The following CROCC variants were observed in gnomAD, a reference collection of about 807,000 sequenced individuals.
The protein encoded by CROCC is rootletin.
CROCC carries 180 observed loss-of-function variants against 245.2 expected under a neutral mutation model. That is an observed-to-expected ratio of 0.73 (90% CI 0.65 to 0.83). CROCC has a LOEUF of 0.83. Ranked by LOEUF, CROCC falls within the 40% of genes least tolerant of loss-of-function variation. CROCC has a pLI of 0.00. For synonymous variants in CROCC, 1,205 were observed against 1,241.6 expected, an observed-to-expected ratio of 0.97 and a Z score of 0.62; for missense variants, 2,688 against 2,779.4, an observed-to-expected ratio of 0.97 and a Z score of 0.74.
At chr1:16,920,149 C>G (rs6662820), upstream of CROCC, among the ~76,000 whole-genome samples, 131,170 of 151,880 alleles carry the variant, frequency 0.86, 56,085 homozygotes, top group East Asian at 0.89. Context: ...CATGATCTCG[C>G]CTCACTGCAA....
At position 16,965,842 on chromosome 1, in the gene CROCC, G is replaced by C; in HGVS notation, c.4525G>C (p.Gly1509Arg). 6.2e-7 allele frequency: 1 copy of C among 1,613,624 alleles called. No homozygotes were observed. Among genetic ancestry groups the C allele is most frequent in the Non-Finnish European group, 8.5e-7 (1 of 1,180,012 alleles). ...SPDLDPEAVRGALREFLQELR... is the reference protein window; with the variant it reads ...SPDLDPEAVRRALREFLQELR... ...AGACCTGGACCCGGAGGCAGTGCGC[G>C]GGGCCCTCCGGGAATTCCTGCAAGA... The change falls in exon 28 of 37, where the codon GGG becomes CGG. Residue 1509 changes from glycine (G) to arginine (R), a missense_variant. By Grantham distance (125) the Gly-to-Arg change is moderately radical. This residue lies in a region of CROCC where 1,218 missense variants were observed against 1,286.3 expected (regional missense o/e 0.95). Transcript: ENST00000375541.
At chr1:16,935,240 A>C (rs921837886) in intron 8 of CROCC, among the ~76,000 whole-genome samples, 9 of 152,332 alleles carry the variant, frequency 5.9e-5, no homozygotes, top group Non-Finnish European at 1.3e-4. Context: ...ATCTTACATA[A>C]TCAAATAAAG....
intron 26 of CROCC, among the ~76,000 whole-genome samples, chr1:16,960,308 C>G (rs1438838110): frequency 6.6e-6 from 1 of 152,126 alleles, no homozygotes; most frequent in Non-Finnish European, 1.5e-5. Context: ...ACAAAAAAAA[C>G]AGCCTTTGGA....
intron 1 of CROCC, among the ~76,000 whole-genome samples, chr1:16,914,961 A>G (rs975387305): frequency 6.6e-6 from 1 of 152,254 alleles, no homozygotes; most frequent in African/African-American, 2.4e-5. Flanking sequence ...GCAGGTGCTT[A>G]ATAAACAGAT....
Position 16,939,997 on chromosome 1 carries a change from A to G in CROCC, c.1712A>G (p.Gln571Arg). ...SERRALEEQL[Q>R]RLRDKTDGAM... The stretch of plus-strand genomic sequence containing the variant: ...CGGCGGGCCCTAGAGGAACAGCTGC[A>G]GCGCCTGCGGGACAAGACCGACGGC... Residue 571 changes from glutamine (Q) to arginine (R), a missense_variant, in exon 13 of 37, where the codon CAG (glutamine) becomes CGG (arginine). Around this residue, in one of 9 missense-constraint regions of CROCC, gnomAD observed 972 missense variants for 895.3 expected, o/e 1.09. Coordinates refer to ENST00000375541, the MANE Select transcript of CROCC (RefSeq NM_014675.5). 6.2e-7 allele frequency: 1 copy of G among 1,612,176 alleles called. No homozygotes were observed. The highest frequency in any genetic ancestry group is 8.5e-7 in the Non-Finnish European group (1 of 1,179,704).
intron 8 of CROCC, among the ~76,000 whole-genome samples, chr1:16,932,956 T>C (rs1353127725): frequency 6.6e-6 from 1 of 152,288 alleles, no homozygotes; most frequent in Non-Finnish European, 1.5e-5. Context: ...GGACTACAGG[T>C]GCATGCCACC....
rs2075482442 is a variant in CROCC at position 16,924,397 on chromosome 1, T to C, written c.269T>C (p.Leu90Pro). The C allele has an allele frequency of 1.9e-6, 3 of 1,613,280 alleles. No homozygotes were observed. Among genetic ancestry groups the C allele is most frequent in the African/African-American group, 1.3e-5 (1 of 75,080 alleles). ...QEENQLLQQE[L>P]SRVEDLLAQS... ...GAGAACCAGCTGCTGCAGCAGGAGCTGTCCCGCGTGGAGGACCTGCTGGCC... is the reference window on the plus strand; with the variant it reads ...GAGAACCAGCTGCTGCAGCAGGAGCCGTCCCGCGTGGAGGACCTGCTGGCC... Residue 90 changes from leucine (L) to proline (P), a missense_variant, in exon 3 of 37, where the codon CTG becomes CCG. By Grantham distance (98) the Leu-to-Pro change is moderately conservative. Coordinates refer to ENST00000375541, the MANE Select transcript of CROCC (RefSeq NM_014675.5).
chr1:16,935,465 G>A (rs35666559), intron 8 of CROCC, among the ~76,000 whole-genome samples: 2 of 152,140 alleles, frequency 1.3e-5, no homozygotes, highest in Non-Finnish European at 2.9e-5. Flanking sequence ...CTGTCGCCCA[G>A]GCTGGAGTGC....
chr1:16,970,014 A>G (rs1450417817), intron 33 of CROCC, 80 bp downstream of exon 33: 4 of 1,487,484 alleles, frequency 2.7e-6, no homozygotes, highest in South Asian at 2.7e-5. Context: ...ACCCATCTCA[A>G]CCTCATCCCA....
At chr1:16,931,054 C>T (rs1306490595) in intron 7 of CROCC, among the ~76,000 whole-genome samples, 2 of 152,288 alleles carry the variant, frequency 1.3e-5, no homozygotes, top group African/African-American at 2.4e-5. Flanking sequence ...TTTTGCCCTT[C>T]GTTGCTGCCT....
chr1:16,958,657 C>CGAGCGGGCAGAGAAGGA lies in CROCC; in HGVS notation c.3944_3960dup (p.Arg1321GlyfsTer18), dbSNP rs1557632192. The stretch of plus-strand genomic sequence containing the variant: ...AGCTGCAGGGCCGCCTGGCGCTGGG[C>CGAGCGGGCAGAGAAGGA]GAGCGGGCAGAGAAGGAGAGCAGGC... On this transcript the variant is annotated frameshift_variant, in exon 26 of 37. Coordinates refer to ENST00000375541, the MANE Select transcript of CROCC (RefSeq NM_014675.5). LOFTEE classifies it high-confidence loss of function. The CGAGCGGGCAGAGAAGGA allele has an allele frequency of 6.4e-6, 10 of 1,555,670 alleles. No individual in the cohort carries two copies. The highest frequency in any genetic ancestry group is 8.7e-6 in the Non-Finnish European group (10 of 1,150,252).
chr1:16,939,835 G>C, intron 12 of CROCC, 59 bp from the exon 13 acceptor site: 2 of 1,547,178 alleles, frequency 1.3e-6, no homozygotes, highest in South Asian at 1.1e-5. Context: ...CCAGAAGAGA[G>C]TAGGTGGCTC....
chr1:16,927,641 C>T (rs548014677), intron 3 of CROCC, among the ~76,000 whole-genome samples: 1 of 152,404 alleles, frequency 6.6e-6, no homozygotes, highest in East Asian at 1.9e-4. Flanking sequence ...CAGTGTCCTG[C>T]GTGGAGACAA....
upstream of CROCC, among the ~76,000 whole-genome samples, chr1:16,920,556 T>TA (rs2075382485): frequency 6.6e-6 from 1 of 152,272 alleles, no homozygotes; most frequent in African/African-American, 2.4e-5. Context: ...TTCAAGGTCT[T>TA]ACTGTCTTGA....
At chr1:16,916,633 A>G (rs1215260526) in intron 1 of CROCC, among the ~76,000 whole-genome samples, 1 of 152,276 alleles carries the variant, frequency 6.6e-6, no homozygotes, top group Non-Finnish European at 1.5e-5. Flanking sequence ...CAGCCTCTCA[A>G]GGAACTGGGA....
Position 16,969,306 on chromosome 1 carries a change from T to C in CROCC, c.5267T>C (p.Leu1756Pro). 1 of 1,611,612 alleles carries C rather than the reference T, an allele frequency of 6.2e-7. No individual in the cohort carries two copies. The highest frequency in any genetic ancestry group is 8.5e-7 in the Non-Finnish European group (1 of 1,179,352). ...AAGAACCTGCATCTGCAGAAGGCTC[T>C]GACCGCCTGTGAACATGACCGCCAA... ...RDKNLHLQKA[L>P]TACEHDRQVL... is the part of the protein sequence containing the mutation. The change falls in exon 32 of 37, where the codon CTG becomes CCG. Residue 1756 changes from leucine (L) to proline (P), a missense_variant. Physicochemically the swap from Leu to Pro is moderately conservative, Grantham distance 98. Around this residue, in one of 9 missense-constraint regions of CROCC, gnomAD observed 1,218 missense variants for 1,286.3 expected, o/e 0.95. Coordinates refer to ENST00000375541, the MANE Select transcript of CROCC (RefSeq NM_014675.5).
chr1:16,956,630 G>A (rs1036800836), intron 25 of CROCC, among the ~76,000 whole-genome samples: 3 of 151,666 alleles, frequency 2.0e-5, no homozygotes, highest in African/African-American at 7.3e-5. Flanking sequence ...GTAAAACTTT[G>A]TTTAGGGACA....
At chr1:16,947,661 G>C (rs2076079604) in intron 17 of CROCC, among the ~76,000 whole-genome samples, 1 of 152,186 alleles carries the variant, frequency 6.6e-6, no homozygotes, top group African/African-American at 2.4e-5. Context: ...TCTAGAGGAT[G>C]GGGTAGGGGG....
chr1:16,933,775 C>T (rs533677803), intron 8 of CROCC, among the ~76,000 whole-genome samples: 1 of 152,276 alleles, frequency 6.6e-6, no homozygotes, highest in South Asian at 2.1e-4. Context: ...CCATGTTGGC[C>T]AGGCTGGTCT....
Sources: gnomAD v4.1 joint callset for allele counts (sites outside exome capture counted in the v4.1 genomes callset) on GRCh38, gnomAD v4.1.1 for gene constraint, gnomAD v4.1.1 regional missense constraint, MANE v1.5 for transcripts, NCBI Gene and HGNC (gene_info 2026-07-23, HGNC 2026-07-21) for gene names.